LRMDA: variants seen among roughly 807,000 people sequenced by gnomAD.
LRMDA encodes leucine-rich melanocyte differentiation-associated protein.
Under a neutral mutation model 29.8 loss-of-function variants are expected in LRMDA, and 18 were observed. The observed-to-expected ratio is 0.60, with a 90% confidence interval of 0.42 to 0.90. The LOEUF (loss-of-function observed/expected upper bound fraction) is 0.90, where lower values mean the gene tolerates loss of function less well. Ranked by LOEUF, LRMDA falls within the 40% of genes least tolerant of loss-of-function variation. LRMDA has a pLI of 0.00. For missense variants in LRMDA, 273 were observed against 273.9 expected, an observed-to-expected ratio of 1.00 and a Z score of 0.02; for synonymous variants, 125 against 109.4, an observed-to-expected ratio of 1.14 and a Z score of -0.89.
intron 5 of LRMDA, among the ~76,000 whole-genome samples, chr10:76,220,822 A>C (rs915604229): frequency 6.6e-6 from 1 of 152,220 alleles, no homozygotes; most frequent in Non-Finnish European, 1.5e-5. Context: ...CAACCAAAAA[A>C]GAGAACTTTA....
chr10:75,930,600 A>G (rs577974386), intron 2 of LRMDA, among the ~76,000 whole-genome samples: 1 of 152,300 alleles, frequency 6.6e-6, no homozygotes, highest in South Asian at 2.1e-4. Context: ...TTTGAGTTGT[A>G]GTTTATTGAC....
rs896048025 is a variant in LRMDA at position 76,324,422 on chromosome 10, A to G, written c.538A>G (p.Ser180Gly). ...ACAGGCTTCTAGTGAGGACGTTGCCAGCTCCCCGGAGCGCCACTACACGCC... is the reference window on the plus strand; with the variant it reads ...ACAGGCTTCTAGTGAGGACGTTGCCGGCTCCCCGGAGCGCCACTACACGCC... ...KPKASSEDVA[S>G]SPERHYTPLP... Residue 180 changes from serine (S) to glycine (G), a missense_variant, in exon 6 of 7, where the codon AGC (serine) becomes GGC (glycine). By Grantham distance (56) the Ser-to-Gly change is moderately conservative (BLOSUM62 0). Transcript: ENST00000611255. 6 of 1,613,982 alleles carry G rather than the reference A, an allele frequency of 3.7e-6. No homozygotes were observed. In the African/African-American group the frequency reaches 8.0e-5, roughly 22 times the overall value.
At chr10:75,712,937 A>G (rs894938495) in intron 2 of LRMDA, among the ~76,000 whole-genome samples, 3 of 152,182 alleles carry the variant, frequency 2.0e-5, no homozygotes, top group African/African-American at 7.2e-5. Flanking sequence ...TTTCCACTAA[A>G]TTTACCTTAA....
chr10:76,528,139 G>C (rs1327246082), intron 6 of LRMDA, among the ~76,000 whole-genome samples: 8 of 152,076 alleles, frequency 5.3e-5, no homozygotes, highest in Admixed American at 2.6e-4. Context: ...GTGCATTGAG[G>C]CTAGATGCAT....
intron 2 of LRMDA, among the ~76,000 whole-genome samples, chr10:75,518,828 T>C (rs551612084): frequency 6.6e-6 from 1 of 152,326 alleles, no homozygotes; most frequent in South Asian, 2.1e-4. Context: ...TGCCTTCTCT[T>C]GTGGGCACTT....
chr10:75,904,994 G>T (rs908070255), intron 2 of LRMDA, among the ~76,000 whole-genome samples: 3 of 152,058 alleles, frequency 2.0e-5, no homozygotes, highest in Non-Finnish European at 4.4e-5. Context: ...GGGAGAGAGG[G>T]GGAGAAAGGG....
intron 2 of LRMDA, among the ~76,000 whole-genome samples, chr10:75,736,925 A>G (rs1324305039): frequency 6.6e-6 from 1 of 152,150 alleles, no homozygotes; most frequent in East Asian, 1.9e-4. Flanking sequence ...TTAGCTATTT[A>G]GTAGGGTGGG....
chr10:75,646,815 G>A (rs371802429), intron 2 of LRMDA, among the ~76,000 whole-genome samples: 3 of 152,166 alleles, frequency 2.0e-5, no homozygotes, highest in Non-Finnish European at 4.4e-5. Flanking sequence ...TAAAAATAAC[G>A]TATATTGGAA....
intron 2 of LRMDA, among the ~76,000 whole-genome samples, chr10:75,672,504 C>G (rs1841902792): frequency 8.0e-6 from 1 of 125,018 alleles, no homozygotes; most frequent in Non-Finnish European, 1.6e-5. Context: ...AAGACACTTC[C>G]TTGTATTTTT....
At chr10:75,749,903 C>G (rs1464171264) in intron 2 of LRMDA, among the ~76,000 whole-genome samples, 1 of 152,178 alleles carries the variant, frequency 6.6e-6, no homozygotes, top group Admixed American at 6.5e-5. Context: ...CCATTTAACC[C>G]TGAGTGGACA....
At chr10:75,561,823 C>A (rs1840299884) in intron 2 of LRMDA, among the ~76,000 whole-genome samples, 1 of 152,014 alleles carries the variant, frequency 6.6e-6, no homozygotes, top group South Asian at 2.1e-4. Context: ...TGTTCAGTTT[C>A]CATGTAGTTG....
At chr10:75,560,379 A>T (rs1316899586) in intron 2 of LRMDA, among the ~76,000 whole-genome samples, 2 of 151,038 alleles carry the variant, frequency 1.3e-5, no homozygotes, top group African/African-American at 4.8e-5. Flanking sequence ...TTGCACATTG[A>T]TTTTGTATCC....
chr10:75,554,898 T>G (rs1331536062), intron 2 of LRMDA, among the ~76,000 whole-genome samples: 1 of 152,212 alleles, frequency 6.6e-6, no homozygotes, highest in African/African-American at 2.4e-5. Context: ...CTTTTCTTTT[T>G]ATATTTCCTT....
chr10:75,864,156 A>G (rs1844981010), intron 2 of LRMDA, among the ~76,000 whole-genome samples: 1 of 152,226 alleles, frequency 6.6e-6, no homozygotes, highest in South Asian at 2.1e-4. Context: ...GGTTATCTTG[A>G]GAACCGGATG....
chr10:75,585,049 A>G (rs1020158537), intron 2 of LRMDA, among the ~76,000 whole-genome samples: 4 of 152,236 alleles, frequency 2.6e-5, no homozygotes, highest in Admixed American at 6.5e-5. Context: ...AATTATCACA[A>G]AGTGAACACA....
chr10:75,826,479 T>C (rs1311455441), intron 2 of LRMDA, among the ~76,000 whole-genome samples: 4 of 152,212 alleles, frequency 2.6e-5, no homozygotes, highest in Non-Finnish European at 4.4e-5. Flanking sequence ...TCAGTGTCCA[T>C]GTTAAGACAC....
At chr10:76,173,896 G>A (rs375451110) in intron 5 of LRMDA, among the ~76,000 whole-genome samples, 5 of 152,116 alleles carry the variant, frequency 3.3e-5, no homozygotes, top group African/African-American at 7.2e-5. Flanking sequence ...TTCTGACCTC[G>A]TAATCTGCCT....
At chr10:75,453,165 C>A (rs970904733) in intron 2 of LRMDA, among the ~76,000 whole-genome samples, 14 of 152,096 alleles carry the variant, frequency 9.2e-5, no homozygotes, top group Non-Finnish European at 1.8e-4. Flanking sequence ...TATTGTATAC[C>A]TCCAACAGGG....
At chr10:75,712,286 C>G (rs559311491) in intron 2 of LRMDA, among the ~76,000 whole-genome samples, 2 of 152,254 alleles carry the variant, frequency 1.3e-5, no homozygotes, top group South Asian at 4.2e-4. Context: ...TTCCATTCCC[C>G]TCGATAGGAA....
Sources: allele counts gnomAD v4.1 joint callset (sites outside exome capture counted in the v4.1 genomes callset), GRCh38; gene constraint gnomAD v4.1.1; transcripts MANE v1.5; gene names NCBI Gene and HGNC (gene_info 2026-07-23, HGNC 2026-07-21).